Variants in KHDRBS2 observed in about 807,000 individuals in gnomAD.
KHDRBS2 encodes the protein KH RNA binding domain containing, signal transduction associated 2, also known as KH domain-containing, RNA-binding, signal transduction-associated protein 2.
Under a neutral mutation model 44.3 loss-of-function variants are expected in KHDRBS2, and 26 were observed. The observed-to-expected ratio is 0.59, with a 90% CI of 0.43 to 0.81. KHDRBS2 has a LOEUF of 0.81. Among genes scored for constraint, KHDRBS2 ranks in the 40% least tolerant of loss-of-function variants. The probability of loss-of-function intolerance (pLI) is 0.00; values close to 1 mark genes in which losing one functional copy is unlikely to be tolerated. For missense variants in KHDRBS2, 476 were observed against 433.1 expected, an observed-to-expected ratio of 1.10 and a Z score of -0.88; for synonymous variants, 194 against 151.1, an observed-to-expected ratio of 1.28 and a Z score of -2.08.
chr6:62,098,056 T>A (rs1247758080), intron 2 of KHDRBS2, among the ~76,000 whole-genome samples: 1 of 152,088 alleles, frequency 6.6e-6, no homozygotes, highest in African/African-American at 2.4e-5. Context: ...ATTTGGAATT[T>A]TTAATGTTCA....
intron 7 of KHDRBS2, among the ~76,000 whole-genome samples, chr6:61,725,485 A>G (rs528043131): frequency 2.0e-5 from 3 of 152,134 alleles, no homozygotes; most frequent in Non-Finnish European, 4.4e-5. Context: ...AAATCCTTTC[A>G]GAAAACAATG....
chr6:62,257,229 A>C (rs1226373667), intron 1 of KHDRBS2, among the ~76,000 whole-genome samples: 3 of 152,098 alleles, frequency 2.0e-5, no homozygotes, highest in Non-Finnish European at 4.4e-5. Context: ...AGTTTGCAAT[A>C]AAATGCACTG....
chr6:61,996,267 A>C (rs920507455), intron 3 of KHDRBS2, among the ~76,000 whole-genome samples: 5 of 152,208 alleles, frequency 3.3e-5, no homozygotes, highest in African/African-American at 1.2e-4. Flanking sequence ...AATAATTTAC[A>C]TGAAAATGAA....
At chr6:61,910,876 T>G (rs1583465324) in intron 4 of KHDRBS2, among the ~76,000 whole-genome samples, 2 of 152,226 alleles carry the variant, frequency 1.3e-5, no homozygotes, top group East Asian at 3.8e-4. Flanking sequence ...ACTACTTTTT[T>G]CAATAAATTT....
At chr6:61,833,398 T>C (rs115822444) in intron 6 of KHDRBS2, among the ~76,000 whole-genome samples, 1,976 of 152,328 alleles carry the variant, frequency 0.013, 49 homozygotes, top group African/African-American at 0.045. Context: ...GGAATATTTT[T>C]GAAATAGCTT....
chr6:62,107,798 C>T (rs1185026474), intron 2 of KHDRBS2, among the ~76,000 whole-genome samples: 1 of 152,110 alleles, frequency 6.6e-6, no homozygotes, highest in African/African-American at 2.4e-5. Context: ...CGCATATCTA[C>T]AACTATCTGG....
intron 1 of KHDRBS2, among the ~76,000 whole-genome samples, chr6:62,202,611 C>T (rs536040340): frequency 9.9e-4 from 150 of 152,142 alleles, no homozygotes; most frequent in Non-Finnish European, 1.6e-3. Flanking sequence ...GGTATTCATC[C>T]TAGACCCAAG....
intron 4 of KHDRBS2, among the ~76,000 whole-genome samples, chr6:61,970,648 G>C (rs1771181127): frequency 6.6e-6 from 1 of 152,134 alleles, no homozygotes; most frequent in Admixed American, 6.6e-5. Flanking sequence ...AGTTCTACTG[G>C]TCTATCATTC....
intron 1 of KHDRBS2, among the ~76,000 whole-genome samples, chr6:62,270,109 A>T (rs536625089): frequency 2.4e-4 from 37 of 152,142 alleles, no homozygotes; most frequent in Non-Finnish European, 4.6e-4. Flanking sequence ...CCAAAATCTT[A>T]TGTTAAAATG....
chr6:61,940,824 G>C (rs946558335), intron 4 of KHDRBS2, among the ~76,000 whole-genome samples: 2 of 152,170 alleles, frequency 1.3e-5, no homozygotes, highest in Non-Finnish European at 2.9e-5. Context: ...TATTGCTGTT[G>C]AGGCTTAGGC....
chr6:62,105,599 T>A (rs1043949940), intron 2 of KHDRBS2, among the ~76,000 whole-genome samples: 35 of 152,224 alleles, frequency 2.3e-4, no homozygotes, highest in Non-Finnish European at 4.6e-4. Context: ...TGGTAGTTTG[T>A]ATTTCTGTGG....
At chr6:62,149,722 G>T (rs999997023) in intron 2 of KHDRBS2, among the ~76,000 whole-genome samples, 1 of 152,138 alleles carries the variant, frequency 6.6e-6, no homozygotes, top group African/African-American at 2.4e-5. Flanking sequence ...TAAATAGGGT[G>T]CAGTGATTTA....
chr6:61,564,808 A>G, the KHDRBS2 span, among the ~76,000 whole-genome samples: 3 of 152,064 alleles, frequency 2.0e-5, no homozygotes, highest in African/African-American at 7.2e-5. Flanking sequence ...TATGTAGACA[A>G]AAAAAGGTCC....
At chr6:61,586,075 A>C in the KHDRBS2 span, among the ~76,000 whole-genome samples, 4 of 152,196 alleles carry the variant, frequency 2.6e-5, no homozygotes, top group Non-Finnish European at 4.4e-5. Flanking sequence ...GGTCACAGTC[A>C]CTTTGTTTGA....
the KHDRBS2 span, among the ~76,000 whole-genome samples, chr6:61,578,325 G>A: frequency 1.1e-4 from 16 of 152,040 alleles, no homozygotes; most frequent in South Asian, 2.1e-4. Context: ...TGATCTTTCC[G>A]CAAAACAGTA....
At chr6:61,685,821 C>A (rs7747504) in intron 8 of KHDRBS2, among the ~76,000 whole-genome samples, 4,522 of 151,772 alleles carry the variant, frequency 0.03, 227 homozygotes, top group African/African-American at 0.1. Flanking sequence ...CCTTGGGGAG[C>A]ATTCACAGTG....
intron 2 of KHDRBS2, among the ~76,000 whole-genome samples, chr6:62,062,895 G>T (rs1307143161): frequency 6.8e-6 from 1 of 147,560 alleles, no homozygotes; most frequent in Non-Finnish European, 1.5e-5. Context: ...GACTAATAAA[G>T]AAAAAAAGAG....
At chr6:62,229,281 G>A (rs176621) in intron 1 of KHDRBS2, among the ~76,000 whole-genome samples, 16 of 152,064 alleles carry the variant, frequency 1.1e-4, no homozygotes, top group East Asian at 9.7e-4. Flanking sequence ...AGGGGCACTC[G>A]GTCTACAGTA....
At chr6:62,101,769 T>C (rs553924796) in intron 2 of KHDRBS2, among the ~76,000 whole-genome samples, 2 of 152,236 alleles carry the variant, frequency 1.3e-5, no homozygotes, top group Non-Finnish European at 2.9e-5. Flanking sequence ...GGAATGTTAA[T>C]TTTTGTATAT....
Sources: gnomAD v4.1 joint callset for allele counts (sites outside exome capture counted in the v4.1 genomes callset) on GRCh38, gnomAD v4.1.1 for gene constraint, MANE v1.5 for transcripts, NCBI Gene and HGNC (gene_info 2026-07-23, HGNC 2026-07-21) for gene names.